PTBP2: variants seen among roughly 807,000 people sequenced by gnomAD.
PTBP2 encodes polypyrimidine tract binding protein 2, also known as polypyrimidine tract-binding protein 2.
PTBP2 carries 13 observed loss-of-function variants against 61.4 expected under a neutral mutation model. That is an observed-to-expected ratio of 0.21 (90% CI 0.14 to 0.34). The LOEUF (loss-of-function observed/expected upper bound fraction) is 0.34, where lower values mean the gene tolerates loss of function less well. Among genes scored for constraint, PTBP2 ranks in the 10% least tolerant of loss-of-function variants. The pLI is 1.00. For synonymous variants in PTBP2, 215 were observed against 218.5 expected (o/e 0.98, Z 0.14); for missense variants, 405 against 642.6 (o/e 0.63, Z 4.00).
At chr1:96,735,771 A>G (rs985601526) in intron 2 of PTBP2, among the ~76,000 whole-genome samples, 3 of 152,212 alleles carry the variant, frequency 2.0e-5, no homozygotes, top group Admixed American at 6.5e-5. Context: ...AAGGAAGAGA[A>G]GTTCTAACAA....
At chr1:96,822,001 C>T (rs1373131118) in exon 14 of PTBP2, 3 of 152,078 alleles carry the variant, frequency 2.0e-5, no homozygotes, top group African/African-American at 4.8e-5. Flanking sequence ...TGCTATGTGC[C>T]AGCTTAGATG....
chr1:96,741,286 G>C (rs1652983523), intron 2 of PTBP2, among the ~76,000 whole-genome samples: 2 of 152,114 alleles, frequency 1.3e-5, no homozygotes, highest in South Asian at 4.1e-4. Flanking sequence ...TTGAGAGACA[G>C]AGTCTCACTG....
At chr1:96,739,316 C>T (rs1652663148) in intron 2 of PTBP2, among the ~76,000 whole-genome samples, 1 of 152,096 alleles carries the variant, frequency 6.6e-6, no homozygotes, top group South Asian at 2.1e-4. Context: ...CAAAAAAACA[C>T]ATAAAATTTA....
chr1:96,721,982 C>T (rs1432087230), intron 1 of PTBP2, 110 bp downstream of exon 1: 4 of 1,408,158 alleles, frequency 2.8e-6, no homozygotes, highest in East Asian at 2.5e-5. Context: ...CAGGGCTGGG[C>T]TGCCGTTACC....
At chr1:96,756,800 T>C (rs937946362) in intron 3 of PTBP2, among the ~76,000 whole-genome samples, 1 of 152,100 alleles carries the variant, frequency 6.6e-6, no homozygotes, top group Non-Finnish European at 1.5e-5. Context: ...GATGAACTGG[T>C]GGAGTACAGA....
downstream of PTBP2, chr1:96,819,885 AAG>A (rs1407908210): frequency 6.6e-6 from 1 of 151,762 alleles, no homozygotes; most frequent in African/African-American, 2.4e-5. Flanking sequence ...CTCCTTTAAA[AAG>A]GAGATTTGTA....
At chr1:96,818,098 A>G (rs1557789595), downstream of PTBP2, 1 of 152,070 alleles carries the variant, frequency 6.6e-6, no homozygotes, top group Non-Finnish European at 1.5e-5. Context: ...AAATACAAAC[A>G]TACCCTTTGT....
intron 2 of PTBP2, among the ~76,000 whole-genome samples, chr1:96,746,423 C>T (rs1557702198): frequency 1.3e-5 from 2 of 152,098 alleles, no homozygotes; most frequent in Non-Finnish European, 2.9e-5. Flanking sequence ...TGAGGTCTTA[C>T]ATCTTTTTTC....
At chr1:96,761,110 T>A (rs1048434234) in intron 3 of PTBP2, among the ~76,000 whole-genome samples, 38 of 152,298 alleles carry the variant, frequency 2.5e-4, no homozygotes, top group African/African-American at 8.9e-4. Context: ...AATTTTTTGT[T>A]TAGAAACCAG....
At chr1:96,792,777 AAAC>A (rs1659989587) in intron 8 of PTBP2, among the ~76,000 whole-genome samples, 1 of 151,804 alleles carries the variant, frequency 6.6e-6, no homozygotes, top group South Asian at 2.1e-4. Context: ...TCTTTTTGAC[AAAC>A]AACACGTTAA....
At chr1:96,803,035 G>A (rs1280593570) in intron 8 of PTBP2, among the ~76,000 whole-genome samples, 1 of 152,138 alleles carries the variant, frequency 6.6e-6, no homozygotes, top group Non-Finnish European at 1.5e-5. Flanking sequence ...GACAACAAGT[G>A]AACGTATCCA....
rs557488499 is a variant in PTBP2 at position 96,813,653 on chromosome 1, T to C, written c.*248T>C. On this transcript the variant is annotated 3_prime_UTR_variant, in exon 14 of 14. Coordinates refer to ENST00000674951, the MANE Select transcript of PTBP2 (RefSeq NM_021190.4). Reference sequence around the variant, plus strand: ...ATTTTGTCTGTTTAAAATTTCAGTTTAATTTTGCTTTTTTTTTTTTTTTTT... The same window carrying C: ...ATTTTGTCTGTTTAAAATTTCAGTTCAATTTTGCTTTTTTTTTTTTTTTTT... 419 of 277,436 alleles carry C rather than the reference T, an allele frequency of 1.5e-3. No homozygotes were observed. The highest frequency in any genetic ancestry group is 7.6e-3 in the South Asian group (43 of 5,630). The allele number at this position is 277,436 out of a possible 1,614,324, so 17.2% of individuals were successfully genotyped here.
At chr1:96,754,557 C>T (rs973527144) in intron 3 of PTBP2, among the ~76,000 whole-genome samples, 5 of 151,974 alleles carry the variant, frequency 3.3e-5, no homozygotes, top group East Asian at 1.9e-4. Flanking sequence ...AGAAGTATAA[C>T]GAAAAGCCAA....
At chr1:96,810,647 T>A (rs776884967) in intron 11 of PTBP2, among the ~76,000 whole-genome samples, 12 of 152,362 alleles carry the variant, frequency 7.9e-5, no homozygotes, top group Non-Finnish European at 1.8e-4. Context: ...CTGCTGTTTG[T>A]GCTGTCTTTT....
chr1:96,808,163 G>A (rs1661681383), intron 11 of PTBP2, among the ~76,000 whole-genome samples: 1 of 150,786 alleles, frequency 6.6e-6, no homozygotes, highest in Admixed American at 6.6e-5. Context: ...GATAGTTTTT[G>A]TTTTATGTAA....
In PTBP2 at chr1:96,784,052, A is replaced by G. The variant is rs138665082; in HGVS notation, c.709-1007A>G. Reference sequence around the variant, plus strand: ...CCAGAGGTGAGAATATTTGAATTAAAAGCTTTATATACTTAAGCAACTGTA... The same window carrying G: ...CCAGAGGTGAGAATATTTGAATTAAGAGCTTTATATACTTAAGCAACTGTA... On this transcript the variant is annotated intron_variant, in intron 7 of 13. Coordinates refer to ENST00000674951, the MANE Select transcript of PTBP2 (RefSeq NM_021190.4). 2.5e-3 allele frequency among the ~76,000 whole-genome samples: 386 copies of G among 152,206 alleles called. 2 individuals carry two copies. Among genetic ancestry groups the G allele is most frequent in the African/African-American group, 8.5e-3 (352 of 41,552 alleles).
intron 3 of PTBP2, among the ~76,000 whole-genome samples, chr1:96,763,358 T>G (rs1656249090): frequency 6.6e-6 from 1 of 152,110 alleles, no homozygotes. Flanking sequence ...GGCGGATCAC[T>G]CGCGGTTAGG....
intron 8 of PTBP2, among the ~76,000 whole-genome samples, chr1:96,786,006 T>C (rs1200219017): frequency 6.6e-6 from 1 of 152,196 alleles, no homozygotes; most frequent in Non-Finnish European, 1.5e-5. Flanking sequence ...AGTTTCCTTT[T>C]ATTTGATGTA....
chr1:96,727,358 TTACTG>T (rs1443432214), intron 2 of PTBP2, among the ~76,000 whole-genome samples: 2 of 152,216 alleles, frequency 1.3e-5, no homozygotes, highest in Non-Finnish European at 2.9e-5. Context: ...GTTGTGAACA[TTACTG>T]TACAAGTCTT....
Sources: gnomAD v4.1 joint callset for allele counts (sites outside exome capture counted in the v4.1 genomes callset) on GRCh38, gnomAD v4.1.1 for gene constraint, MANE v1.5 for transcripts, NCBI Gene and HGNC (gene_info 2026-07-23, HGNC 2026-07-21) for gene names.